Variants in AFF3 observed in about 807,000 individuals in gnomAD.
The protein encoded by AFF3 is ALF transcription elongation factor 3, also known as AF4/FMR2 family member 3.
Under a neutral mutation model 129.7 loss-of-function variants are expected in AFF3, and 32 were observed. The ratio of observed to expected loss-of-function variants is 0.25; its 90% confidence interval spans 0.19 to 0.33. The LOEUF is 0.33. Among genes scored for constraint, AFF3 ranks in the 10% least tolerant of loss-of-function variants. AFF3 has a pLI of 1.00. For synonymous variants in AFF3, 644 were observed against 635.4 expected (o/e 1.01, Z -0.20); for missense variants, 1,373 against 1,592.0 (o/e 0.86, Z 2.34).
Position 99,642,009 on chromosome 2 carries a change from C to T in AFF3, c.1184+7617G>A, listed in dbSNP as rs1039064882. 3.9e-5 allele frequency among the ~76,000 whole-genome samples: 6 copies of T among 152,262 alleles called. 1 individual carries two copies. The highest frequency in any genetic ancestry group is 3.9e-4 in the Admixed American group (6 of 15,304). ...CTATAGAGACCAGCAGAATCCCTAA[C>T]ATTTTAGGGATTCAGTACTGTAAAT... On this transcript the variant is annotated intron_variant, in intron 13 of 24. Transcript: ENST00000672756.
intron 8 of AFF3, among the ~76,000 whole-genome samples, chr2:99,833,567 C>A (rs1688657246): frequency 1.3e-5 from 2 of 152,132 alleles, no homozygotes; most frequent in Non-Finnish European, 2.9e-5. Context: ...CAAAGGCACT[C>A]TATGTTATGA....
At chr2:99,639,228 C>T (rs1273723383) in intron 13 of AFF3, among the ~76,000 whole-genome samples, 1 of 152,230 alleles carries the variant, frequency 6.6e-6, no homozygotes, top group Non-Finnish European at 1.5e-5. Context: ...CCTGATAGAA[C>T]TCAATGGCTT....
intron 13 of AFF3, among the ~76,000 whole-genome samples, chr2:99,642,860 T>A (rs1189560413): frequency 6.6e-6 from 1 of 152,154 alleles, no homozygotes; most frequent in Non-Finnish European, 1.5e-5. Context: ...GCCCCATCTA[T>A]CTTTCAGGGT....
chr2:100,050,680 C>A (rs532748559), intron 4 of AFF3, among the ~76,000 whole-genome samples: 2 of 152,316 alleles, frequency 1.3e-5, no homozygotes, highest in African/African-American at 4.8e-5. Flanking sequence ...AAGTAAACGT[C>A]AGTGCACGTA....
intron 24 of AFF3, 39 bp from the exon 25 acceptor site, chr2:99,551,634 G>A (rs373649953): frequency 1.4e-5 from 22 of 1,612,762 alleles, no homozygotes; most frequent in Non-Finnish European, 1.8e-5. Flanking sequence ...TGCCACACAT[G>A]CTAGGTGTGC....
intron 11 of AFF3, among the ~76,000 whole-genome samples, chr2:99,693,807 A>G (rs533433113): frequency 6.6e-6 from 1 of 152,220 alleles, no homozygotes; most frequent in South Asian, 2.1e-4. Context: ...TAAATAAGAA[A>G]AACACCCCAA....
Position 99,898,300 on chromosome 2 carries a change from G to A in AFF3, c.874-60776C>T, listed in dbSNP as rs566860248. On this transcript the variant is annotated intron_variant, in intron 7 of 24. Transcript: ENST00000672756. Reference sequence around the variant, plus strand: ...CCCCGTGTGCAGCACAACGTCAAACGCCATATGGGATCATCTCACTTTACC... The same window carrying A: ...CCCCGTGTGCAGCACAACGTCAAACACCATATGGGATCATCTCACTTTACC... 6.6e-5 allele frequency among the ~76,000 whole-genome samples: 10 copies of A among 152,244 alleles called. No individual in the cohort carries two copies. The East Asian group carries it at 1.4e-3, about 21-fold the overall frequency.
At chr2:100,108,389 G>C (rs1313928507) in intron 2 of AFF3, among the ~76,000 whole-genome samples, 1 of 152,054 alleles carries the variant, frequency 6.6e-6, no homozygotes, top group African/African-American at 2.4e-5. Context: ...ACCAGGTCCC[G>C]AGCAGATGGT....
intron 12 of AFF3, among the ~76,000 whole-genome samples, chr2:99,666,948 G>A (rs1447815358): frequency 6.6e-6 from 1 of 152,140 alleles, no homozygotes; most frequent in Non-Finnish European, 1.5e-5. Flanking sequence ...AATCCACAAT[G>A]ACAGCCAGAG....
chr2:99,727,933 T>C (rs1679495563), intron 10 of AFF3, among the ~76,000 whole-genome samples: 1 of 152,078 alleles, frequency 6.6e-6, no homozygotes, highest in Non-Finnish European at 1.5e-5. Flanking sequence ...TTATACCCCA[T>C]AGAGAGCCCT....
rs983037250 is a variant in AFF3 at position 99,654,454 on chromosome 2, G to A, written c.1144-4788C>T. 2.6e-5 allele frequency among the ~76,000 whole-genome samples: 4 copies of A among 152,166 alleles called. No homozygotes were observed. In the East Asian group the frequency reaches 7.7e-4, roughly 29 times the overall value. On this transcript the variant is annotated intron_variant, in intron 12 of 24. Coordinates refer to ENST00000672756, the MANE Select transcript of AFF3 (RefSeq NM_001386135.1). Reference sequence around the variant, plus strand: ...TTTTATTTTACTACTGGAAAATAATGAAACGAATAAATATTGGAATTAAAT... The same window carrying A: ...TTTTATTTTACTACTGGAAAATAATAAAACGAATAAATATTGGAATTAAAT...
chr2:100,052,158 A>G (rs2105150148), intron 4 of AFF3, among the ~76,000 whole-genome samples: 1 of 152,288 alleles, frequency 6.6e-6, no homozygotes, highest in Non-Finnish European at 1.5e-5. Context: ...TTTGTAGTTC[A>G]TGTATGAATT....
At chr2:99,639,614 A>T (rs1208002481) in intron 13 of AFF3, among the ~76,000 whole-genome samples, 6 of 152,180 alleles carry the variant, frequency 3.9e-5, no homozygotes, top group Admixed American at 1.3e-4. Context: ...AATGAGACCA[A>T]TTCTTTGGAG....
At chr2:99,675,536 C>T (rs529050520) in intron 11 of AFF3, among the ~76,000 whole-genome samples, 18 of 152,326 alleles carry the variant, frequency 1.2e-4, no homozygotes, top group African/African-American at 3.8e-4. Context: ...CCCTAGCAAA[C>T]GGCGCTTGTT....
intron 11 of AFF3, 130 bp from the exon 12 acceptor site, chr2:99,672,719 ATTTT>A (rs936549889): frequency 1.1e-6 from 1 of 873,992 alleles, no homozygotes; most frequent in African/African-American, 1.7e-5. Flanking sequence ...TTGATTTCCT[ATTTT>A]TTTTCTTTCC....
chr2:99,620,400 G>A (rs1681880257), intron 13 of AFF3, among the ~76,000 whole-genome samples: 2 of 152,184 alleles, frequency 1.3e-5, no homozygotes, highest in African/African-American at 4.8e-5. Context: ...AGGCCAGGGT[G>A]GGAGGATCAC....
intron 7 of AFF3, among the ~76,000 whole-genome samples, chr2:99,892,449 T>C (rs1002507642): frequency 3.9e-5 from 6 of 152,202 alleles, no homozygotes; most frequent in African/African-American, 1.4e-4. Context: ...ATAAAAGCTC[T>C]TTATAAAGAG....
At chr2:99,573,305 G>C (rs989544884) in intron 18 of AFF3, among the ~76,000 whole-genome samples, 2 of 151,780 alleles carry the variant, frequency 1.3e-5, no homozygotes, top group Non-Finnish European at 2.9e-5. Flanking sequence ...ACTCTGTTTT[G>C]GTTAGAACAA....
chr2:99,792,522 CAAAA>C (rs1431049218), intron 8 of AFF3, among the ~76,000 whole-genome samples: 1 of 152,044 alleles, frequency 6.6e-6, no homozygotes, highest in Non-Finnish European at 1.5e-5. Flanking sequence ...AAAACTCAAA[CAAAA>C]TGAAATTGGC....
Sources: gnomAD v4.1 joint callset for allele counts (sites outside exome capture counted in the v4.1 genomes callset) on GRCh38, gnomAD v4.1.1 for gene constraint, MANE v1.5 for transcripts, NCBI Gene and HGNC (gene_info 2026-07-23, HGNC 2026-07-21) for gene names.